Variants in DOCK3 observed in about 807,000 individuals in gnomAD.
The protein encoded by DOCK3 is dedicator of cytokinesis 3.
In DOCK3, 60 loss-of-function variants were observed where a neutral mutation model predicts 265.6. The observed-to-expected ratio is 0.23, with a 90% CI of 0.18 to 0.28. The LOEUF is 0.28. DOCK3 is among the 10% of genes least tolerant of loss of function. The pLI, the probability that DOCK3 is intolerant of heterozygous loss-of-function variation, is 1.00. For missense variants in DOCK3, 1,981 were observed against 2,594.3 expected, an observed-to-expected ratio of 0.76 and a Z score of 5.14; for synonymous variants, 881 against 938.0, an observed-to-expected ratio of 0.94 and a Z score of 1.11.
intron 21 of DOCK3, 105 bp downstream of exon 21, chr3:51,237,695 T>A (rs1298834909): frequency 6.2e-6 from 6 of 968,258 alleles, no homozygotes; most frequent in Non-Finnish European, 9.3e-6. Flanking sequence ...GCTGACTTTT[T>A]AAAAATTTTA....
chr3:51,374,392 G>A lies in DOCK3; in HGVS notation c.5294-77G>A. On this transcript the variant is annotated intron_variant, in intron 49 of 52. Transcript: ENST00000266037. The surrounding 1 kb of genome is among the most constrained non-coding windows in gnomAD (Gnocchi z 4.8). ...AAGGGACACCTACCCTGGTTCCCTA[G>A]TCCTGAGGATGCTTGACTGCTGGAC... is the stretch of plus-strand genomic sequence containing the variant. The A allele has an allele frequency of 7.2e-7, 1 of 1,379,596 alleles. No homozygotes were observed. Among genetic ancestry groups the A allele is most frequent in the Non-Finnish European group, 1.0e-6 (1 of 988,358 alleles). The allele number at this position is 1,379,596 out of a possible 1,614,324, so 85.5% of individuals were successfully genotyped here. A position where few individuals can be genotyped will look rare whatever the true frequency, so the allele number is the denominator to read the frequency against.
chr3:51,091,223 A>G (rs1468949993), intron 9 of DOCK3, among the ~76,000 whole-genome samples: 1 of 152,192 alleles, frequency 6.6e-6, no homozygotes, highest in Admixed American at 6.5e-5. Flanking sequence ...AGGCAAGACT[A>G]CAGGCCAGGG....
At chr3:50,692,106 A>G (rs1204767109) in intron 1 of DOCK3, among the ~76,000 whole-genome samples, 1 of 151,918 alleles carries the variant, frequency 6.6e-6, no homozygotes, top group Non-Finnish European at 1.5e-5. Context: ...TTTAGAGGTA[A>G]TAGTCTTGCT....
At chr3:51,005,229 A>G (rs910791406) in intron 5 of DOCK3, among the ~76,000 whole-genome samples, 1 of 152,076 alleles carries the variant, frequency 6.6e-6, no homozygotes, top group Non-Finnish European at 1.5e-5. Flanking sequence ...CCTCTAGAAC[A>G]CTGCGCTAAG....
chr3:50,693,993 G>A (rs1180165992), intron 1 of DOCK3, among the ~76,000 whole-genome samples: 1 of 152,160 alleles, frequency 6.6e-6, no homozygotes, highest in Non-Finnish European at 1.5e-5. Context: ...TGTTGGCCAA[G>A]TGTGGTGGCT....
At chr3:50,982,276 A>T (rs1271125061) in intron 5 of DOCK3, among the ~76,000 whole-genome samples, 2 of 152,168 alleles carry the variant, frequency 1.3e-5, no homozygotes, top group African/African-American at 4.8e-5. Context: ...AAAGTTATTG[A>T]TAGAGAGGTC....
intron 24 of DOCK3, among the ~76,000 whole-genome samples, chr3:51,273,862 C>T (rs1439627882): frequency 1.3e-5 from 2 of 152,200 alleles, no homozygotes; most frequent in Non-Finnish European, 2.9e-5. Context: ...CAGAGTCACA[C>T]AATCACTGAC....
At chr3:51,033,810 C>A (rs1297695406) in intron 5 of DOCK3, among the ~76,000 whole-genome samples, 2 of 152,086 alleles carry the variant, frequency 1.3e-5, no homozygotes, top group Non-Finnish European at 2.9e-5. Context: ...TTCAACAACG[C>A]CTCATCCCTT....
chr3:51,245,735 A>G (rs2108559429), intron 21 of DOCK3, among the ~76,000 whole-genome samples: 1 of 152,298 alleles, frequency 6.6e-6, no homozygotes, highest in East Asian at 1.9e-4. Context: ...ATTATTGAAA[A>G]TATAAATAAA....
intron 4 of DOCK3, among the ~76,000 whole-genome samples, chr3:50,927,023 T>C (rs894609123): frequency 6.6e-6 from 1 of 152,238 alleles, no homozygotes; most frequent in Non-Finnish European, 1.5e-5. Flanking sequence ...TACAAAGGCT[T>C]ACAAGTTTTA....
intron 5 of DOCK3, among the ~76,000 whole-genome samples, chr3:50,967,001 AAT>A (rs1423096773): frequency 1.3e-5 from 2 of 152,160 alleles, no homozygotes; most frequent in Non-Finnish European, 2.9e-5. Context: ...GTGTATTTAG[AAT>A]ATTTGTTACC....
chr3:51,378,030 TTG>T (rs2088279629), intron 51 of DOCK3, among the ~76,000 whole-genome samples: 1 of 152,200 alleles, frequency 6.6e-6, no homozygotes, highest in Admixed American at 6.5e-5. Flanking sequence ...ATGCTGCATC[TTG>T]TAGGGAGCAT....
intron 5 of DOCK3, among the ~76,000 whole-genome samples, chr3:51,010,709 T>C (rs569043669): frequency 6.6e-6 from 1 of 152,344 alleles, no homozygotes; most frequent in Non-Finnish European, 1.5e-5. Context: ...AGTTTCCTCC[T>C]AGCATCAATG....
intron 5 of DOCK3, among the ~76,000 whole-genome samples, chr3:51,005,601 A>AG (rs1455668420): frequency 6.6e-6 from 1 of 152,208 alleles, no homozygotes; most frequent in Non-Finnish European, 1.5e-5. Flanking sequence ...TCAATGGTTT[A>AG]GGCAAAAGAC....
intron 3 of DOCK3, among the ~76,000 whole-genome samples, chr3:50,889,087 G>T (rs1348486933): frequency 4.0e-5 from 6 of 150,874 alleles, no homozygotes; most frequent in Non-Finnish European, 8.9e-5. Flanking sequence ...GTGTGTGTGT[G>T]TGTGTGTGTG....
intron 9 of DOCK3, among the ~76,000 whole-genome samples, chr3:51,097,902 A>G (rs777114645): frequency 8.5e-5 from 13 of 152,176 alleles, no homozygotes; most frequent in Non-Finnish European, 1.3e-4. Flanking sequence ...TGGTGAGCCA[A>G]TGCCCAACCC....
intron 5 of DOCK3, among the ~76,000 whole-genome samples, chr3:50,939,431 GA>G (rs1472926101): frequency 2.6e-5 from 4 of 151,832 alleles, no homozygotes; most frequent in East Asian, 3.9e-4. Context: ...AGTACAAAAA[GA>G]AAAAAATCTG....
intron 1 of DOCK3, among the ~76,000 whole-genome samples, chr3:50,691,126 C>CA (rs1320383360): frequency 6.6e-6 from 1 of 150,586 alleles, no homozygotes; most frequent in Non-Finnish European, 1.5e-5. Context: ...ACTAAAAATA[C>CA]AAAAAAAATT....
At chr3:50,931,777 A>G (rs575817080) in intron 4 of DOCK3, among the ~76,000 whole-genome samples, 4 of 152,334 alleles carry the variant, frequency 2.6e-5, no homozygotes, top group Admixed American at 2.0e-4. Context: ...AGTGTCTTAC[A>G]TGGCTGGTGG....
Sources: allele counts gnomAD v4.1 joint callset (sites outside exome capture counted in the v4.1 genomes callset), GRCh38; gene constraint gnomAD v4.1.1; non-coding constraint Gnocchi (gnomAD v3.1); transcripts MANE v1.5; gene names NCBI Gene and HGNC (gene_info 2026-07-23, HGNC 2026-07-21).